The following CCDC152 variants were observed in gnomAD, a reference collection of about 807,000 sequenced individuals.
CCDC152 encodes the protein coiled-coil domain containing 152.
CCDC152 carries 37 observed loss-of-function variants against 38.1 expected under a neutral mutation model. That is an observed-to-expected ratio of 0.97 (90% confidence interval 0.75 to 1.28). The LOEUF is 1.28. Among genes scored for constraint, CCDC152 ranks in the 50% most tolerant of loss-of-function variants. CCDC152 has a pLI of 0.00. For missense variants in CCDC152, 259 were observed against 292.1 expected, an observed-to-expected ratio of 0.89 and a Z score of 0.83; for synonymous variants, 83 against 87.1, an observed-to-expected ratio of 0.95 and a Z score of 0.26.
chr5:42,759,229 A>G, intron 2 of CCDC152, 21 bp downstream of exon 2: 1 of 1,446,898 alleles, frequency 6.9e-7, no homozygotes, highest in South Asian at 1.2e-5. Context: ...ATAGAAAACA[A>G]TTCTACTATA....
chr5:42,797,800 TA>T (rs200146480), intron 7 of CCDC152, among the ~76,000 whole-genome samples: 1,637 of 152,200 alleles, frequency 0.011, 18 homozygotes, highest in Non-Finnish European at 0.016. Flanking sequence ...ATTTTTTTTT[TA>T]AGGGACTTCT....
At position 42,779,488 on chromosome 5, in the gene CCDC152, A is replaced by G; in HGVS notation, c.293A>G (p.Asp98Gly). 1 of 1,518,772 alleles carries G rather than the reference A, an allele frequency of 6.6e-7. No homozygotes were observed. The highest frequency in any genetic ancestry group is 1.2e-5 in the South Asian group (1 of 83,290). The allele number at this position is 1,518,772 out of a possible 1,614,324, so 94.1% of individuals were successfully genotyped here. Residue 98 changes from aspartate (D) to glycine (G), a missense_variant, in exon 5 of 9, where the codon GAT (aspartate) becomes GGT (glycine). Physicochemically the swap from Asp to Gly is moderately conservative, Grantham distance 94 (BLOSUM62 -1). Coordinates refer to ENST00000361970, the MANE Select transcript of CCDC152 (RefSeq NM_001134848.2). The stretch of plus-strand genomic sequence containing the variant: ...AATGAACAACTAAAAATAAGTGCTG[A>G]TCTTATAAAAGAGAAGTTAAAGTCT... Reference protein sequence around the residue: ...GENEQLKISADLIKEKLKSHE... With the variant: ...GENEQLKISAGLIKEKLKSHE...
chr5:42,766,681 T>G (rs1183199032), intron 3 of CCDC152, among the ~76,000 whole-genome samples: 1 of 143,070 alleles, frequency 7.0e-6, no homozygotes, highest in African/African-American at 2.5e-5. Flanking sequence ...ACATCATATG[T>G]TCTCATTTAT....
At position 42,801,718 on chromosome 5, in the gene CCDC152, A is replaced by T. The variant is rs1490804168; in HGVS notation, c.*1937A>T. ...GATTACTTGGGCTCAGGAGTCGGAG[A>T]CCAGCCTGGGCAACATGGCGAGATC... On this transcript the variant is annotated 3_prime_UTR_variant, in exon 9 of 9. Coordinates refer to ENST00000361970, the MANE Select transcript of CCDC152 (RefSeq NM_001134848.2). 4.4e-6 allele frequency: 1 copy of T among 227,524 alleles called. No individual in the cohort carries two copies. Among genetic ancestry groups the T allele is most frequent in the Non-Finnish European group, 8.4e-6 (1 of 118,536 alleles). The allele number at this position is 227,524 out of a possible 1,614,324, so 14.1% of individuals were successfully genotyped here.
chr5:42,763,623 T>A (rs888939700), intron 3 of CCDC152, among the ~76,000 whole-genome samples: 3 of 152,140 alleles, frequency 2.0e-5, no homozygotes, highest in Non-Finnish European at 2.9e-5. Context: ...AGATGGCAAT[T>A]CTGTGGTCTT....
At chr5:42,789,746 T>C (rs1759973212) in intron 6 of CCDC152, among the ~76,000 whole-genome samples, 1 of 152,212 alleles carries the variant, frequency 6.6e-6, no homozygotes, top group Admixed American at 6.5e-5. Context: ...TAAGCCTATG[T>C]TGAGGGTTAA....
rs1010535350 is a variant in CCDC152, at chr5:42,799,580, G to A, written c.643-79G>A. The A allele has an allele frequency of 1.4e-4, 170 of 1,203,550 alleles. 1 individual carries two copies. The highest frequency in any genetic ancestry group is 4.7e-4 in the Admixed American group (19 of 40,564). 74.6% of individuals were successfully genotyped at this position (1,203,550 alleles called of 1,614,324 possible). Reference sequence around the variant, plus strand: ...TTTTTAAAATACCAATAGCAGAAGTGCATTTCTTTGTTATTTTGTTGTTCC... The same window carrying A: ...TTTTTAAAATACCAATAGCAGAAGTACATTTCTTTGTTATTTTGTTGTTCC... On this transcript the variant is annotated intron_variant, in intron 8 of 8. Coordinates refer to ENST00000361970, the MANE Select transcript of CCDC152 (RefSeq NM_001134848.2).
intron 1 of CCDC152, among the ~76,000 whole-genome samples, chr5:42,758,116 T>C (rs1248089184): frequency 6.6e-6 from 1 of 152,210 alleles, no homozygotes; most frequent in Non-Finnish European, 1.5e-5. Flanking sequence ...CATAAGATAA[T>C]AATTCGAGAT....
chr5:42,773,104 C>T (rs183955113), intron 4 of CCDC152, among the ~76,000 whole-genome samples: 1 of 152,056 alleles, frequency 6.6e-6, no homozygotes, highest in Non-Finnish European at 1.5e-5. Flanking sequence ...AAAAATCATG[C>T]CAGCAGGATG....
Position 42,799,390 on chromosome 5 carries a change from G to C in CCDC152, c.574G>C (p.Ala192Pro), listed in dbSNP as rs767842964. The stretch of plus-strand genomic sequence containing the variant: ...TTTGATTCAGTTTGATGCCAAACTA[G>C]CAAGAGTTCAGACTAAATCAAAATC... Reference protein sequence around the residue: ...KLQLEFDAKLARVQTKSKSYQ... With the variant: ...KLQLEFDAKLPRVQTKSKSYQ... Residue 192 changes from alanine (A) to proline (P), a missense_variant, in exon 8 of 9, where the codon GCA becomes CCA. Ala to Pro is a conservative substitution (Grantham distance 27). Transcript: ENST00000361970. 6.5e-7 allele frequency: 1 copy of C among 1,535,926 alleles called. No individual in the cohort carries two copies. The highest frequency in any genetic ancestry group is 1.4e-5 in the African/African-American group (1 of 72,572).
intron 6 of CCDC152, among the ~76,000 whole-genome samples, chr5:42,786,252 TTTG>T (rs201044063): frequency 1.8e-3 from 279 of 152,002 alleles, no homozygotes; most frequent in African/African-American, 6.4e-3. Context: ...GTCCTGGGAT[TTTG>T]TTGTTGTTGT....
chr5:42,789,246 T>A (rs537770518), intron 6 of CCDC152, among the ~76,000 whole-genome samples: 3 of 152,214 alleles, frequency 2.0e-5, no homozygotes, highest in Non-Finnish European at 4.4e-5. Flanking sequence ...GCTAGAGTCT[T>A]GCTGCCTTCA....
intron 4 of CCDC152, among the ~76,000 whole-genome samples, chr5:42,774,961 G>A (rs1759752503): frequency 6.6e-6 from 1 of 150,640 alleles, no homozygotes; most frequent in African/African-American, 2.4e-5. Flanking sequence ...TAATTTCTCA[G>A]TTTCAGGAAA....
chr5:42,789,559 A>G (rs1361899149), intron 6 of CCDC152, among the ~76,000 whole-genome samples: 1 of 152,166 alleles, frequency 6.6e-6, no homozygotes, highest in East Asian at 1.9e-4. Context: ...TAAATACAAC[A>G]TTTCTAAATT....
At position 42,783,518 on chromosome 5, in the gene CCDC152, C is replaced by T; in HGVS notation, c.372C>T (p.Ile124=). The T allele has an allele frequency of 7.2e-7, 1 of 1,383,966 alleles. No individual in the cohort carries two copies. The highest frequency in any genetic ancestry group is 9.5e-7 in the Non-Finnish European group (1 of 1,056,634). 85.7% of individuals were successfully genotyped at this position (1,383,966 alleles called of 1,614,324 possible). ...CCAAACTTGTAAGTGAAATGAAAAT[C>T]AAAGAGGAGGGATATAAGAAAGAAA... ...NIAKLVSEMK[I]KEEGYKKEIS... is the part of the protein sequence containing the mutation. Residue 124 remains isoleucine (I), a synonymous_variant, in exon 6 of 9, where the codon ATC becomes ATT. Coordinates refer to ENST00000361970, the MANE Select transcript of CCDC152 (RefSeq NM_001134848.2).
At chr5:42,789,752 G>A (rs1759973275) in intron 6 of CCDC152, among the ~76,000 whole-genome samples, 1 of 152,048 alleles carries the variant, frequency 6.6e-6, no homozygotes, top group Non-Finnish European at 1.5e-5. Context: ...TATGTTGAGG[G>A]TTAATCGGTT....
At position 42,796,879 on chromosome 5, in the gene CCDC152, G is replaced by T; in HGVS notation, c.481G>T (p.Glu161Ter). 1 of 1,527,754 alleles carries T rather than the reference G, an allele frequency of 6.5e-7. No homozygotes were observed. Among genetic ancestry groups the T allele is most frequent in the South Asian group, 1.3e-5 (1 of 79,120 alleles). The allele number at this position is 1,527,754 out of a possible 1,614,324, so 94.6% of individuals were successfully genotyped here. Residue 161 changes from glutamate (E) to a stop codon, truncating the protein, a stop_gained, in exon 7 of 9, where the codon GAA becomes TAA. Coordinates refer to ENST00000361970, the MANE Select transcript of CCDC152 (RefSeq NM_001134848.2). LOFTEE classifies it high-confidence loss of function. ...AGAACTAATAGAGAAAAAGGAGATG[G>T]AAATTTCAGAGTTAAATGCAAAGCT... Reference protein sequence around the residue: ...HKELIEKKEMEISELNAKLRS... With the variant: ...HKELIEKKEM
intron 6 of CCDC152, among the ~76,000 whole-genome samples, chr5:42,786,651 TTCTTC>T (rs1393806754): frequency 6.6e-6 from 1 of 152,054 alleles, no homozygotes; most frequent in Non-Finnish European, 1.5e-5. Context: ...TTTCACTTAG[TTCTTC>T]TCTGATCTTT....
intron 4 of CCDC152, among the ~76,000 whole-genome samples, chr5:42,774,061 T>C (rs1298073389): frequency 6.6e-6 from 1 of 152,102 alleles, no homozygotes; most frequent in African/African-American, 2.4e-5. Flanking sequence ...AACTGAAAAA[T>C]CAACAATTCT....
Sources: allele counts gnomAD v4.1 joint callset (sites outside exome capture counted in the v4.1 genomes callset), GRCh38; gene constraint gnomAD v4.1.1; transcripts MANE v1.5; gene names NCBI Gene and HGNC (gene_info 2026-07-23, HGNC 2026-07-21).